Variants in ENTREP2 observed in about 807,000 individuals in gnomAD.
ENTREP2 encodes protein ENTREP2.
At chr15:29,221,853 G>T in the ENTREP2 span, among the ~76,000 whole-genome samples, 2 of 152,072 alleles carry the variant, frequency 1.3e-5, no homozygotes, top group Admixed American at 1.3e-4. Context: ...AAGAATGTTC[G>T]CAGCAGCAGT....
the ENTREP2 span, among the ~76,000 whole-genome samples, chr15:29,391,642 C>T: frequency 2.3e-5 from 3 of 132,090 alleles, no homozygotes; most frequent in Admixed American, 7.0e-5. Flanking sequence ...CCAGGGCCTG[C>T]CCTGTAAGAT....
chr15:29,275,550 A>G, the ENTREP2 span, among the ~76,000 whole-genome samples: 13 of 152,246 alleles, frequency 8.5e-5, no homozygotes, highest in Non-Finnish European at 1.5e-5. Flanking sequence ...TACTAGACCC[A>G]AAAGAAAAAA....
chr15:29,406,154 T>C, the ENTREP2 span, among the ~76,000 whole-genome samples: 1 of 152,246 alleles, frequency 6.6e-6, no homozygotes, highest in Non-Finnish European at 1.5e-5. Context: ...TGACATCACC[T>C]TAATGGCTGA....
the ENTREP2 span, among the ~76,000 whole-genome samples, chr15:29,356,268 GTATATA>G: frequency 9.5e-3 from 546 of 57,504 alleles, 10 homozygotes; most frequent in Middle Eastern, 0.018. Flanking sequence ...GTGTGTGTGT[GTATATA>G]TATATATATA....
chr15:29,356,268 G>GTGTATA, the ENTREP2 span, among the ~76,000 whole-genome samples: 70 of 57,604 alleles, frequency 1.2e-3, 1 homozygote, highest in East Asian at 4.5e-3. Context: ...GTGTGTGTGT[G>GTGTATA]TATATATATA....
chr15:29,342,945 G>C, the ENTREP2 span, among the ~76,000 whole-genome samples: 1 of 146,856 alleles, frequency 6.8e-6, no homozygotes, highest in African/African-American at 2.4e-5. Flanking sequence ...ATTTAGCCAC[G>C]TAAAAGTTTT....
chr15:29,585,679 AC>A, the ENTREP2 span, among the ~76,000 whole-genome samples: 1 of 151,016 alleles, frequency 6.6e-6, no homozygotes, highest in South Asian at 2.1e-4. Flanking sequence ...ATACGGGGAA[AC>A]CCCGTCTCTA....
the ENTREP2 span, among the ~76,000 whole-genome samples, chr15:29,352,057 C>T: frequency 6.6e-6 from 1 of 152,176 alleles, no homozygotes; most frequent in African/African-American, 2.4e-5. Context: ...ACCTCAGCCT[C>T]CTGAGTAGCT....
chr15:29,152,111 T>C, the ENTREP2 span, among the ~76,000 whole-genome samples: 2 of 152,190 alleles, frequency 1.3e-5, no homozygotes, highest in Admixed American at 6.5e-5. Context: ...GTCAGTAACA[T>C]GTCTAAGGAA....
the ENTREP2 span, among the ~76,000 whole-genome samples, chr15:29,231,890 C>CTT: frequency 1.2e-4 from 16 of 136,856 alleles, no homozygotes; most frequent in African/African-American, 4.1e-4. Flanking sequence ...CTTTTCTTTT[C>CTT]TTTCTTTTTT....
the ENTREP2 span, among the ~76,000 whole-genome samples, chr15:29,411,325 G>A: frequency 1.3e-5 from 2 of 152,046 alleles, no homozygotes; most frequent in Non-Finnish European, 2.9e-5. Context: ...CTCCCACCAA[G>A]AATTCTCCTG....
At chr15:29,125,138 G>A in the ENTREP2 span, among the ~76,000 whole-genome samples, 7 of 152,196 alleles carry the variant, frequency 4.6e-5, no homozygotes, top group Non-Finnish European at 8.8e-5. Context: ...TGTGGGTGCC[G>A]AGGTGTGAAT....
the ENTREP2 span, among the ~76,000 whole-genome samples, chr15:29,284,378 T>C: frequency 3.4e-4 from 51 of 151,788 alleles, no homozygotes; most frequent in African/African-American, 1.2e-3. Context: ...GCCAACATGG[T>C]GAAACCCATC....
the ENTREP2 span, among the ~76,000 whole-genome samples, chr15:29,172,287 C>T: frequency 6.6e-6 from 1 of 152,134 alleles, no homozygotes; most frequent in African/African-American, 2.4e-5. Flanking sequence ...TTGTGAAGGA[C>T]AGTAATTTAT....
chr15:29,405,484 C>T, the ENTREP2 span, among the ~76,000 whole-genome samples: 1 of 152,276 alleles, frequency 6.6e-6, no homozygotes, highest in African/African-American at 2.4e-5. Flanking sequence ...GTAAGTCCCA[C>T]ATCTTCCAGC....
the ENTREP2 span, among the ~76,000 whole-genome samples, chr15:29,380,068 G>A: frequency 1.3e-5 from 2 of 151,382 alleles, no homozygotes; most frequent in African/African-American, 4.9e-5. Context: ...GGGCTGGGGG[G>A]AGGTGGGGGG....
At chr15:29,588,199 C>T in the ENTREP2 span, among the ~76,000 whole-genome samples, 1 of 152,088 alleles carries the variant, frequency 6.6e-6, no homozygotes, top group African/African-American at 2.4e-5. Flanking sequence ...TTCCAGGTAC[C>T]AATTTTCAGG....
the ENTREP2 span, among the ~76,000 whole-genome samples, chr15:29,152,606 T>G: frequency 6.6e-6 from 1 of 152,266 alleles, no homozygotes; most frequent in Non-Finnish European, 1.5e-5. Context: ...TATCAGTAGT[T>G]GACTTCTTTT....
At chr15:29,279,775 A>G in the ENTREP2 span, among the ~76,000 whole-genome samples, 1 of 152,160 alleles carries the variant, frequency 6.6e-6, no homozygotes, top group Non-Finnish European at 1.5e-5. Flanking sequence ...GTTAATATGG[A>G]CAAGTGAATT....
Sources: gnomAD v4.1 joint callset for allele counts (sites outside exome capture counted in the v4.1 genomes callset) on GRCh38, gnomAD v4.1.1 for gene constraint, MANE v1.5 for transcripts, NCBI Gene and HGNC (gene_info 2026-07-23, HGNC 2026-07-21) for gene names.